The following PPFIA1 variants were observed in gnomAD, a reference collection of about 807,000 sequenced individuals.
The protein encoded by PPFIA1 is PPFI scaffold protein A1.
In PPFIA1, 25 loss-of-function variants were observed where a neutral mutation model predicts 149.9. That is an observed-to-expected ratio of 0.17 (90% CI 0.12 to 0.23). The LOEUF is 0.23. PPFIA1 is among the 10% of genes least tolerant of loss of function. PPFIA1 has a pLI of 1.00. For synonymous variants in PPFIA1, 549 were observed against 552.8 expected (o/e 0.99, Z 0.10); for missense variants, 1,362 against 1,506.5 (o/e 0.90, Z 1.59).
chr11:70,353,838 G>T (rs571033167), intron 16 of PPFIA1, among the ~76,000 whole-genome samples: 10 of 152,278 alleles, frequency 6.6e-5, no homozygotes, highest in Admixed American at 5.9e-4. Flanking sequence ...TGCCCAAGTG[G>T]TTTCTTGCCC....
chr11:70,316,534 G>C (rs564645214), intron 2 of PPFIA1, among the ~76,000 whole-genome samples: 64 of 152,368 alleles, frequency 4.2e-4, no homozygotes, highest in Non-Finnish European at 7.1e-4. Context: ...ACATGGCCAA[G>C]TAAAGAAAAC....
At chr11:70,355,845 A>G (rs749104015) in intron 18 of PPFIA1, 34 bp downstream of exon 18, 1 of 1,583,038 alleles carries the variant, frequency 6.3e-7, no homozygotes, top group Non-Finnish European at 8.6e-7. Flanking sequence ...CTCAGCACCC[A>G]GGGGTCGGGG....
intron 15 of PPFIA1, among the ~76,000 whole-genome samples, chr11:70,346,563 A>G (rs1033207822): frequency 1.2e-4 from 18 of 152,314 alleles, no homozygotes; most frequent in African/African-American, 3.6e-4. Flanking sequence ...CCTCTGCAGC[A>G]TCTGTTGCCA....
intron 2 of PPFIA1, among the ~76,000 whole-genome samples, chr11:70,296,783 G>A (rs1319552510): frequency 6.7e-6 from 1 of 149,582 alleles, no homozygotes; most frequent in Non-Finnish European, 1.5e-5. Flanking sequence ...GAGAGGGAGA[G>A]GAGAATTTTC....
intron 2 of PPFIA1, among the ~76,000 whole-genome samples, chr11:70,292,070 C>G (rs2051570542): frequency 6.6e-6 from 1 of 152,062 alleles, no homozygotes; most frequent in Non-Finnish European, 1.5e-5. Context: ...ATCTCCTGAC[C>G]TTGTGATCCA....
At chr11:70,287,904 C>T (rs2051255982) in intron 2 of PPFIA1, among the ~76,000 whole-genome samples, 1 of 152,016 alleles carries the variant, frequency 6.6e-6, no homozygotes, top group Non-Finnish European at 1.5e-5. Flanking sequence ...ACTTGGCCTC[C>T]CAGAGTGCTG....
intron 2 of PPFIA1, among the ~76,000 whole-genome samples, chr11:70,278,366 G>C (rs145518749): frequency 6.6e-6 from 1 of 152,140 alleles, no homozygotes; most frequent in Non-Finnish European, 1.5e-5. Context: ...GATTTTGCTG[G>C]GTATAGAATA....
At chr11:70,275,261 G>T (rs2050316099) in intron 2 of PPFIA1, among the ~76,000 whole-genome samples, 1 of 152,166 alleles carries the variant, frequency 6.6e-6, no homozygotes, top group South Asian at 2.1e-4. Flanking sequence ...TTGTGAAACG[G>T]TTATCTTTTG....
chr11:70,329,828 T>G, intron 7 of PPFIA1: 1 of 215,692 alleles, frequency 4.6e-6, no homozygotes. Flanking sequence ...CTGGGAAGAT[T>G]GAGGTGGAAG....
intron 10 of PPFIA1, chr11:70,334,749 C>T (rs2054870384): frequency 1.3e-5 from 2 of 152,282 alleles, no homozygotes; most frequent in Admixed American, 6.5e-5. Context: ...GGCGCGGTCT[C>T]ATGGCTGTCT....
At position 70,272,192 on chromosome 11, in the gene PPFIA1, C is replaced by A; in HGVS notation, c.20C>A (p.Pro7Gln). The A allele has an allele frequency of 6.2e-7, 1 of 1,613,576 alleles. No individual in the cohort carries two copies. Among genetic ancestry groups the A allele is most frequent in the Non-Finnish European group, 8.5e-7 (1 of 1,179,990 alleles). Reference protein sequence around the residue: MMCEVMPTISEAEGPPG... With the variant: MMCEVMQTISEAEGPPG... ...TTCAAGATGATGTGCGAGGTGATGC[C>A]GACCATCAGCGAAGCAGAAGGCCCC... The change falls in exon 2 of 28, where the codon CCG becomes CAG. Residue 7 changes from proline (P) to glutamine (Q), a missense_variant. Coordinates refer to ENST00000253925, the MANE Select transcript of PPFIA1 (RefSeq NM_003626.5).
chr11:70,275,920 G>C (rs1251090408), intron 2 of PPFIA1, among the ~76,000 whole-genome samples: 1 of 152,138 alleles, frequency 6.6e-6, no homozygotes, highest in Non-Finnish European at 1.5e-5. Context: ...AAAGTGCTGG[G>C]ATTACCACTG....
chr11:70,300,158 C>G (rs1285040673), intron 2 of PPFIA1, among the ~76,000 whole-genome samples: 2 of 151,924 alleles, frequency 1.3e-5, no homozygotes, highest in Admixed American at 1.3e-4. Flanking sequence ...GCCCTCTGCC[C>G]CTTCCCATAG....
chr11:70,288,113 C>T (rs1181876318), intron 2 of PPFIA1, among the ~76,000 whole-genome samples: 4 of 148,496 alleles, frequency 2.7e-5, no homozygotes, highest in African/African-American at 9.9e-5. Context: ...CTTGCTCTGT[C>T]GCCCAGGCTG....
At chr11:70,299,212 C>T (rs2052304989) in intron 2 of PPFIA1, among the ~76,000 whole-genome samples, 1 of 152,146 alleles carries the variant, frequency 6.6e-6, no homozygotes. Context: ...GCACTCCAGC[C>T]TGGGCAACAG....
rs778114663 is a variant in PPFIA1, at chr11:70,335,689, G to C, written c.1423G>C (p.Asp475His). 3 of 1,613,720 alleles carry C rather than the reference G, an allele frequency of 1.9e-6. No homozygotes were observed. Among genetic ancestry groups the C allele is most frequent in the Non-Finnish European group, 2.5e-6 (3 of 1,179,884 alleles). Residue 475 changes from aspartate to histidine, a missense_variant, in exon 11 of 28, where the codon GAT becomes CAT. Physicochemically the swap from Asp to His is moderately conservative, Grantham distance 81. Transcript: ENST00000253925. ...TAAAGAGAGAATGGCTGCTTTGGAA[G>C]ATAAGGTAAGTTAGATAACACGGAC... is the stretch of plus-strand genomic sequence containing the variant. Reference protein sequence around the residue: ...HLKERMAALEDKNSLLREVES... With the variant: ...HLKERMAALEHKNSLLREVES...
chr11:70,308,123 A>G (rs1427743451), intron 2 of PPFIA1, among the ~76,000 whole-genome samples: 3 of 152,220 alleles, frequency 2.0e-5, no homozygotes, highest in Non-Finnish European at 4.4e-5. Context: ...ATCTCGGCTC[A>G]CCGCAACCTT....
chr11:70,299,553 T>G (rs937556213), intron 2 of PPFIA1, among the ~76,000 whole-genome samples: 1 of 152,184 alleles, frequency 6.6e-6, no homozygotes, highest in South Asian at 2.1e-4. Flanking sequence ...TCGTGGGGTC[T>G]TCTTCCCTTC....
chr11:70,354,158 A>G, intron 16 of PPFIA1, 143 bp from the exon 17 acceptor site: 1 of 856,022 alleles, frequency 1.2e-6, no homozygotes. Context: ...GGCCCTTCAG[A>G]ATGGTGCCAG....
Sources: gnomAD v4.1 joint callset for allele counts (sites outside exome capture counted in the v4.1 genomes callset) on GRCh38, gnomAD v4.1.1 for gene constraint, MANE v1.5 for transcripts, NCBI Gene and HGNC (gene_info 2026-07-23, HGNC 2026-07-21) for gene names.